Variants in PXDNL observed in about 807,000 individuals in gnomAD.
PXDNL encodes probable oxidoreductase PXDNL.
Under a neutral mutation model 150.8 loss-of-function variants are expected in PXDNL, and 145 were observed. The observed-to-expected ratio is 0.96, with a 90% CI of 0.84 to 1.10. The LOEUF (loss-of-function observed/expected upper bound fraction) is 1.10. Among genes scored for constraint, PXDNL ranks in the 50% least tolerant of loss-of-function variants. PXDNL has a pLI of 0.00. For synonymous variants in PXDNL, 757 were observed against 725.7 expected (o/e 1.04, Z -0.69); for missense variants, 2,087 against 1,873.9 (o/e 1.11, Z -2.10).
intron 19 of PXDNL, among the ~76,000 whole-genome samples, chr8:51,364,892 T>G (rs1806866774): frequency 6.6e-6 from 1 of 152,254 alleles, no homozygotes; most frequent in Admixed American, 6.5e-5. Context: ...TAGGCTCTTA[T>G]AGCAGATAAT....
chr8:51,426,734 G>C lies in PXDNL; in HGVS notation c.1550C>G (p.Pro517Arg). 27 of 1,601,010 alleles carry C rather than the reference G, an allele frequency of 1.7e-5. No individual in the cohort carries two copies. The highest frequency in any genetic ancestry group is 2.2e-5 in the Non-Finnish European group (26 of 1,172,324). Residue 517 changes from proline (P) to arginine (R), a missense_variant, in exon 13 of 23, where the codon CCT becomes CGT. Physicochemically the swap from Pro to Arg is moderately radical, Grantham distance 103. Coordinates refer to ENST00000356297, the MANE Select transcript of PXDNL (RefSeq NM_144651.5). ...TCCAACCTCGACACTTGTATCCTGA[G>C]GAAGTTGAGTAAACACTGCAAGAGC... ...PKALAVFTQLPQDTSVEVGKN... is the reference protein window; with the variant it reads ...PKALAVFTQLRQDTSVEVGKN...
At position 51,371,907 on chromosome 8, in the gene PXDNL, C is replaced by G. The variant is rs1005026950; in HGVS notation, c.3867G>C (p.Lys1289Asn). 6.2e-7 allele frequency: 1 copy of G among 1,614,006 alleles called. No individual in the cohort carries two copies. The change falls in exon 19 of 23, where the codon AAG (lysine) becomes AAC (asparagine). Residue 1289 changes from lysine (K) to asparagine (N), a missense_variant. Transcript: ENST00000356297. ...AGTCTTGCCACACTCGCAGGTCCAC[C>G]TTCGGGATCTCGCTGCAGTTCAGGT... ...QDYLNCSEIPKVDLRVWQDCC... is the reference protein window; with the variant it reads ...QDYLNCSEIPNVDLRVWQDCC...
chr8:51,436,115 C>T (rs1809401243), intron 12 of PXDNL: 2 of 514,642 alleles, frequency 3.9e-6, no homozygotes, highest in Non-Finnish European at 7.9e-6. Context: ...CTTGACCCAG[C>T]TTTTGATGAA....
intron 2 of PXDNL, among the ~76,000 whole-genome samples, chr8:51,642,060 C>T (rs1163254914): frequency 6.6e-6 from 1 of 151,942 alleles, no homozygotes; most frequent in Non-Finnish European, 1.5e-5. Context: ...TTTGTAGGGA[C>T]ATGGATGAAA....
intron 21 of PXDNL, among the ~76,000 whole-genome samples, chr8:51,336,339 T>G (rs964162615): frequency 6.6e-6 from 1 of 152,192 alleles, no homozygotes; most frequent in Non-Finnish European, 1.5e-5. Context: ...TGGTGAGTAA[T>G]AGAAAAACCA....
intron 1 of PXDNL, among the ~76,000 whole-genome samples, chr8:51,658,344 G>GAAAAAAAAAAAAAACAAAAAAAAAA (rs1815195403): frequency 1.1e-5 from 1 of 94,232 alleles, no homozygotes; most frequent in Non-Finnish European, 2.1e-5. Flanking sequence ...CCTGTCTCAA[G>GAAAAAAAAAAAAAACAAAAAAAAAA]AAAAAAAAAA....
At chr8:51,441,133 G>A (rs1034616218) in intron 12 of PXDNL, among the ~76,000 whole-genome samples, 8 of 152,132 alleles carry the variant, frequency 5.3e-5, no homozygotes, top group Admixed American at 1.3e-4. Flanking sequence ...GTTCTCACGA[G>A]ATCTGATGGT....
intron 18 of PXDNL, among the ~76,000 whole-genome samples, chr8:51,372,743 T>C (rs533885014): frequency 6.6e-6 from 1 of 152,344 alleles, no homozygotes; most frequent in African/African-American, 2.4e-5. Flanking sequence ...CAATGTAACA[T>C]TAACACGTTT....
At chr8:51,769,780 A>G (rs975879352) in intron 1 of PXDNL, among the ~76,000 whole-genome samples, 1 of 152,142 alleles carries the variant, frequency 6.6e-6, no homozygotes, top group East Asian at 1.9e-4. Flanking sequence ...ACAATATATA[A>G]CTAAACTCCC....
intron 3 of PXDNL, among the ~76,000 whole-genome samples, chr8:51,590,828 T>C (rs543657071): frequency 6.6e-6 from 1 of 152,356 alleles, no homozygotes; most frequent in African/African-American, 2.4e-5. Flanking sequence ...TTCTGGGCTT[T>C]GGACTTTTGA....
chr8:51,412,778 C>T (rs560868946), intron 15 of PXDNL, among the ~76,000 whole-genome samples: 16 of 152,252 alleles, frequency 1.1e-4, no homozygotes, highest in African/African-American at 3.4e-4. Flanking sequence ...TAATGTTTGT[C>T]GTAGGCTCCC....
At chr8:51,331,317 G>C (rs1166967780) in intron 21 of PXDNL, among the ~76,000 whole-genome samples, 1 of 152,196 alleles carries the variant, frequency 6.6e-6, no homozygotes, top group Non-Finnish European at 1.5e-5. Flanking sequence ...AGGCAGCAGG[G>C]AGGCCCTGGG....
At chr8:51,640,067 G>A (rs1415701162) in intron 2 of PXDNL, among the ~76,000 whole-genome samples, 3 of 152,122 alleles carry the variant, frequency 2.0e-5, no homozygotes, top group Admixed American at 6.5e-5. Flanking sequence ...ATCAATACAT[G>A]TAATCCAGCA....
chr8:51,791,905 T>C (rs2037516899), intron 1 of PXDNL, among the ~76,000 whole-genome samples: 1 of 152,200 alleles, frequency 6.6e-6, no homozygotes, highest in African/African-American at 2.4e-5. Flanking sequence ...TAGCAATACA[T>C]TGTAAATCTG....
At chr8:51,608,994 C>A (rs1288001958) in intron 2 of PXDNL, among the ~76,000 whole-genome samples, 1 of 152,126 alleles carries the variant, frequency 6.6e-6, no homozygotes, top group Non-Finnish European at 1.5e-5. Context: ...AGTCCTCTCC[C>A]AACTCTATCA....
chr8:51,577,593 C>CATATAT lies in PXDNL; in HGVS notation c.308+15028_308+15033dup, dbSNP rs35173075. Among the ~76,000 whole-genome samples, 1,145 of 142,184 alleles carry CATATAT rather than the reference C, an allele frequency of 8.1e-3. 9 individuals carry two copies. Among genetic ancestry groups the CATATAT allele is most frequent in the African/African-American group, 0.024 (907 of 38,250 alleles). The allele number at this position is 142,184 out of a possible 152,430, so 93.3% of individuals were successfully genotyped here. ...TATATATATAAAATCTATCTATCTA[C>CATATAT]ATATATATATATATATAATCAGGCT... On this transcript the variant is annotated intron_variant, in intron 3 of 22. Coordinates refer to ENST00000356297, the MANE Select transcript of PXDNL (RefSeq NM_144651.5).
At chr8:51,596,733 G>T (rs1813575569) in intron 2 of PXDNL, among the ~76,000 whole-genome samples, 1 of 151,414 alleles carries the variant, frequency 6.6e-6, no homozygotes, top group Non-Finnish European at 1.5e-5. Context: ...CATGTCCTTT[G>T]CCCATTTTTA....
chr8:51,540,715 T>C (rs1348533586), intron 4 of PXDNL, among the ~76,000 whole-genome samples: 1 of 152,194 alleles, frequency 6.6e-6, no homozygotes, highest in Non-Finnish European at 1.5e-5. Context: ...TCTATTAATA[T>C]CAGTTAGGTC....
At chr8:51,468,034 A>AT (rs1320199505) in intron 8 of PXDNL, among the ~76,000 whole-genome samples, 2 of 152,040 alleles carry the variant, frequency 1.3e-5, no homozygotes, top group Non-Finnish European at 1.5e-5. Context: ...AAAGAAAGGG[A>AT]TTTTTATGAA....
Sources: gnomAD v4.1 joint callset for allele counts (sites outside exome capture counted in the v4.1 genomes callset) on GRCh38, gnomAD v4.1.1 for gene constraint, MANE v1.5 for transcripts, NCBI Gene and HGNC (gene_info 2026-07-23, HGNC 2026-07-21) for gene names.